SPSB4: variants seen among roughly 807,000 people sequenced by gnomAD.
SPSB4 encodes SPRY domain-containing SOCS box protein 4.
In SPSB4, 21 loss-of-function variants were observed where a neutral mutation model predicts 20.9. The ratio of observed to expected loss-of-function variants is 1.01; its 90% CI spans 0.71 to 1.45. The LOEUF (loss-of-function observed/expected upper bound fraction) is 1.45, where lower values mean the gene tolerates loss of function less well. Ranked by LOEUF, SPSB4 falls within the 40% of genes most tolerant of loss-of-function variation. SPSB4 has a pLI of 0.00. For missense variants in SPSB4, 399 were observed against 399.2 expected (o/e 1.00, Z 0.00); for synonymous variants, 207 against 183.8 (o/e 1.13, Z -1.02).
rs935862970 is a variant in SPSB4, at chr3:141,107,242, C to T, written c.695-39900C>T. Among the ~76,000 whole-genome samples, 3 of 152,320 alleles carry T rather than the reference C, an allele frequency of 2.0e-5. No individual in the cohort carries two copies. In the East Asian group the frequency reaches 5.8e-4, roughly 29 times the overall value. On this transcript the variant is annotated intron_variant, in intron 2 of 2. Transcript: ENST00000310546. ...GCTGGAGGCAAAACCATCAGAAATC[C>T]ATTAGTAATTAACATAAAAGTTAGT...
At chr3:141,087,890 C>T (rs1337267287) in intron 2 of SPSB4, among the ~76,000 whole-genome samples, 1 of 152,188 alleles carries the variant, frequency 6.6e-6, no homozygotes. Flanking sequence ...CTGTACTTTA[C>T]AACCTTAAAT....
At chr3:141,052,134 T>C (rs1936104438) in intron 1 of SPSB4, 142 bp downstream of exon 1, 1 of 152,454 alleles carries the variant, frequency 6.6e-6, no homozygotes, top group African/African-American at 2.4e-5. Flanking sequence ...CTGCAGGTTG[T>C]GGCAGTTCGA....
chr3:141,096,522 A>G (rs1411853657), intron 2 of SPSB4, among the ~76,000 whole-genome samples: 2 of 152,232 alleles, frequency 1.3e-5, no homozygotes, highest in African/African-American at 4.8e-5. Flanking sequence ...AGGACTTTAC[A>G]GGAATCCCTA....
chr3:141,128,508 A>T (rs577325579), intron 2 of SPSB4, among the ~76,000 whole-genome samples: 11 of 152,166 alleles, frequency 7.2e-5, no homozygotes, highest in Non-Finnish European at 1.5e-4. Flanking sequence ...GGAGCTTTGT[A>T]TATGGCAGAG....
intron 2 of SPSB4, among the ~76,000 whole-genome samples, chr3:141,070,508 T>G (rs1386251353): frequency 6.6e-6 from 1 of 151,992 alleles, no homozygotes; most frequent in Admixed American, 6.6e-5. Context: ...TATATAAATA[T>G]GAATGAAACT....
chr3:141,126,370 G>T (rs1939050331), intron 2 of SPSB4, among the ~76,000 whole-genome samples: 1 of 152,108 alleles, frequency 6.6e-6, no homozygotes, highest in Non-Finnish European at 1.5e-5. Context: ...GGAGATCTCA[G>T]ACTCAATCCT....
chr3:141,127,402 AC>A (rs928903119), intron 2 of SPSB4, among the ~76,000 whole-genome samples: 7 of 152,190 alleles, frequency 4.6e-5, no homozygotes, highest in Non-Finnish European at 1.0e-4. Flanking sequence ...TTTGATAATA[AC>A]AGCAGCTTAG....
At chr3:141,068,002 C>T (rs911684445) in intron 2 of SPSB4, among the ~76,000 whole-genome samples, 1 of 152,214 alleles carries the variant, frequency 6.6e-6, no homozygotes, top group Non-Finnish European at 1.5e-5. Flanking sequence ...GAAGTCCACT[C>T]GTTTCCTATG....
chr3:141,065,850 T>A (rs1007312659), intron 1 of SPSB4, 102 bp from the exon 2 acceptor site: 2 of 478,864 alleles, frequency 4.2e-6, no homozygotes, highest in East Asian at 3.7e-5. Flanking sequence ...TTACTATTAT[T>A]GTGCATGCAA....
rs940460277 is a variant in SPSB4 at position 141,093,332 on chromosome 3, T to G, written c.694+26534T>G. Among the ~76,000 whole-genome samples, 4 of 151,928 alleles carry G rather than the reference T, an allele frequency of 2.6e-5. No individual in the cohort carries two copies. The South Asian group carries it at 8.3e-4, about 32-fold the overall frequency. On this transcript the variant is annotated intron_variant, in intron 2 of 2. Coordinates refer to ENST00000310546, the MANE Select transcript of SPSB4 (RefSeq NM_080862.3). Reference sequence around the variant, plus strand: ...ACATTGCAGTAAGCACTTTTCATATTGTCAATCTTCCCAGGAAATCTGCAG... The same window carrying G: ...ACATTGCAGTAAGCACTTTTCATATGGTCAATCTTCCCAGGAAATCTGCAG...
At chr3:141,144,722 T>G (rs1939384983) in intron 2 of SPSB4, among the ~76,000 whole-genome samples, 1 of 152,244 alleles carries the variant, frequency 6.6e-6, no homozygotes, top group Non-Finnish European at 1.5e-5. Context: ...TTGATTTCAG[T>G]GACTGCAGAG....
At chr3:141,120,932 G>A (rs1188437643) in intron 2 of SPSB4, among the ~76,000 whole-genome samples, 8 of 151,984 alleles carry the variant, frequency 5.3e-5, no homozygotes, top group African/African-American at 1.9e-4. Flanking sequence ...GTATTGTTAT[G>A]TGTGAATGTG....
chr3:141,090,338 G>A (rs58249242), intron 2 of SPSB4, among the ~76,000 whole-genome samples: 58 of 152,336 alleles, frequency 3.8e-4, no homozygotes, highest in African/African-American at 1.4e-3. Context: ...TTAGTAGGTG[G>A]AGACAGAAAA....
At position 141,065,996 on chromosome 3, in the gene SPSB4, A is replaced by C; in HGVS notation, c.-109A>C. ...AGCCCGGTAGAGGCTGTGGAGGTCT[A>C]CCGTCCGGAAGCCTGGTTCCCAGCC... is the stretch of plus-strand genomic sequence containing the variant. On this transcript the variant is annotated 5_prime_UTR_variant, in exon 2 of 3. Transcript: ENST00000310546. 2 of 1,023,892 alleles carry C rather than the reference A, an allele frequency of 2.0e-6. 1 individual carries two copies. Among genetic ancestry groups the C allele is most frequent in the South Asian group, 3.6e-5 (2 of 55,666 alleles). The allele number at this position is 1,023,892 out of a possible 1,614,324, so 63.4% of individuals were successfully genotyped here.
At chr3:141,064,128 C>T (rs1204017167) in intron 1 of SPSB4, among the ~76,000 whole-genome samples, 1 of 152,234 alleles carries the variant, frequency 6.6e-6, no homozygotes, top group Non-Finnish European at 1.5e-5. Flanking sequence ...TCAGGGAATG[C>T]CAGCTCCTGG....
intron 2 of SPSB4, among the ~76,000 whole-genome samples, chr3:141,123,771 G>A (rs1576539084): frequency 6.6e-6 from 1 of 152,190 alleles, no homozygotes; most frequent in African/African-American, 2.4e-5. Context: ...CACTGCAGAG[G>A]TTGGGAAGAT....
At chr3:141,117,868 G>A (rs1433471704) in intron 2 of SPSB4, among the ~76,000 whole-genome samples, 1 of 152,220 alleles carries the variant, frequency 6.6e-6, no homozygotes, top group African/African-American at 2.4e-5. Context: ...ATTCCATGGT[G>A]TATATGTGCC....
At chr3:141,081,095 T>G (rs1235589913) in intron 2 of SPSB4, among the ~76,000 whole-genome samples, 1 of 152,212 alleles carries the variant, frequency 6.6e-6, no homozygotes. Context: ...GGCATCTGGA[T>G]TTTTTGGATG....
intron 2 of SPSB4, among the ~76,000 whole-genome samples, chr3:141,134,056 C>CTTTTTTTTTTTTTTTTTTTTTTTTT (rs1222303281): frequency 1.3e-4 from 8 of 61,626 alleles, no homozygotes; most frequent in East Asian, 5.0e-4. Context: ...TTTCTTTTTT[C>CTTTTTTTTTTTTTTTTTTTTTTTTT]TTTTTTTTTT....
Sources: gnomAD v4.1 joint callset for allele counts (sites outside exome capture counted in the v4.1 genomes callset) on GRCh38, gnomAD v4.1.1 for gene constraint, MANE v1.5 for transcripts, NCBI Gene and HGNC (gene_info 2026-07-23, HGNC 2026-07-21) for gene names.